The following GPR158 variants were observed in gnomAD, a reference collection of about 807,000 sequenced individuals.
The protein encoded by GPR158 is G protein-coupled receptor 158.
A neutral mutation model predicts 78.2 loss-of-function variants in GPR158; 30 were observed. The observed-to-expected ratio is 0.38, with a 90% CI of 0.29 to 0.52. The LOEUF (loss-of-function observed/expected upper bound fraction) is 0.52, where lower values mean the gene tolerates loss of function less well. GPR158 is among the 20% of genes least tolerant of loss of function. GPR158 has a pLI of 0.83. For synonymous variants in GPR158, 581 were observed against 591.1 expected, an observed-to-expected ratio of 0.98 and a Z score of 0.25; for missense variants, 1,463 against 1,523.5, an observed-to-expected ratio of 0.96 and a Z score of 0.66.
At chr10:25,321,137 A>G (rs1186530769) in intron 2 of GPR158, among the ~76,000 whole-genome samples, 2 of 152,220 alleles carry the variant, frequency 1.3e-5, no homozygotes, top group East Asian at 3.8e-4. Context: ...TTGCAAAATT[A>G]GAAAGTCATA....
At chr10:25,282,952 G>T (rs1251702302) in intron 2 of GPR158, among the ~76,000 whole-genome samples, 4 of 152,004 alleles carry the variant, frequency 2.6e-5, no homozygotes, top group African/African-American at 9.7e-5. Flanking sequence ...ATAATGAGAG[G>T]TATCAGTCTC....
intron 5 of GPR158, among the ~76,000 whole-genome samples, chr10:25,497,733 T>C (rs1014719907): frequency 6.6e-6 from 1 of 152,218 alleles, no homozygotes; most frequent in African/African-American, 2.4e-5. Context: ...TCTGCCTTCA[T>C]GGAGTTTAAG....
At chr10:25,364,275 A>G (rs1855686256) in intron 2 of GPR158, among the ~76,000 whole-genome samples, 1 of 151,928 alleles carries the variant, frequency 6.6e-6, no homozygotes, top group Non-Finnish European at 1.5e-5. Flanking sequence ...TGATTCATCC[A>G]AATCCTTGTT....
chr10:25,525,334 C>T (rs528079603), intron 5 of GPR158, among the ~76,000 whole-genome samples: 4 of 152,256 alleles, frequency 2.6e-5, no homozygotes, highest in African/African-American at 7.2e-5. Flanking sequence ...CATGAATCTT[C>T]GTAGCTACAT....
In GPR158 at chr10:25,394,233, G is replaced by A. The variant is rs115453067; in HGVS notation, c.1009-1678G>A. Among the ~76,000 whole-genome samples the A allele has an allele frequency of 5.3e-3, 814 of 152,200 alleles. 9 individuals carry two copies. The highest frequency in any genetic ancestry group is 0.019 in the African/African-American group (788 of 41,516). On this transcript the variant is annotated intron_variant, in intron 2 of 10. Coordinates refer to ENST00000376351, the MANE Select transcript of GPR158 (RefSeq NM_020752.3). ...GGTGGCACTACCTTTTTCAGACTAT[G>A]TCTGTGTCTGGTGGAATAGTTATTC...
chr10:25,189,033 A>C (rs1852731208), intron 1 of GPR158, among the ~76,000 whole-genome samples: 1 of 152,236 alleles, frequency 6.6e-6, no homozygotes, highest in African/African-American at 2.4e-5. Flanking sequence ...ACATGAAAAA[A>C]TGTTCATCAT....
At position 25,570,943 on chromosome 10, in the gene GPR158, T is replaced by C. The variant is rs146550571; in HGVS notation, c.1515-1706T>C. Among the ~76,000 whole-genome samples, 210 of 152,190 alleles carry C rather than the reference T, an allele frequency of 1.4e-3. 1 individual carries two copies. The highest frequency in any genetic ancestry group is 4.9e-3 in the African/African-American group (204 of 41,542). On this transcript the variant is annotated intron_variant, in intron 6 of 10. Transcript: ENST00000376351. ...TTAAAAAAAATAAAATAGAGTAGTC[T>C]CCTTTTGTTTCATAATCATGTATAA...
At chr10:25,287,037 T>C (rs1353503187) in intron 2 of GPR158, among the ~76,000 whole-genome samples, 3 of 152,102 alleles carry the variant, frequency 2.0e-5, no homozygotes, top group Admixed American at 6.5e-5. Context: ...ATTTTTATTA[T>C]AGTTCTAATT....
chr10:25,328,927 CAA>C (rs3054026), intron 2 of GPR158, among the ~76,000 whole-genome samples: 3 of 89,074 alleles, frequency 3.4e-5, no homozygotes, highest in African/African-American at 1.7e-4. Context: ...AACTTCATCA[CAA>C]AAAAAAAAAA....
chr10:25,283,865 C>T (rs1854310497), intron 2 of GPR158, among the ~76,000 whole-genome samples: 1 of 151,764 alleles, frequency 6.6e-6, no homozygotes. Flanking sequence ...CCACTTAGTT[C>T]ATTTATAGTC....
intron 4 of GPR158, among the ~76,000 whole-genome samples, chr10:25,452,679 T>TA (rs537942871): frequency 5.3e-5 from 8 of 152,352 alleles, no homozygotes; most frequent in African/African-American, 1.9e-4. Flanking sequence ...TGGATGGACT[T>TA]ACTATTTTAA....
chr10:25,181,322 A>G (rs533469453), intron 1 of GPR158, among the ~76,000 whole-genome samples: 1 of 152,336 alleles, frequency 6.6e-6, no homozygotes, highest in East Asian at 1.9e-4. Context: ...AACTAAATGA[A>G]GAACTGTCAT....
intron 2 of GPR158, among the ~76,000 whole-genome samples, chr10:25,359,646 T>C (rs746886672): frequency 5.3e-5 from 8 of 152,222 alleles, no homozygotes; most frequent in Non-Finnish European, 1.0e-4. Flanking sequence ...GTTTTCTTTA[T>C]CCAGTCTATC....
chr10:25,576,280 T>C (rs114386250), intron 7 of GPR158, among the ~76,000 whole-genome samples: 306 of 152,290 alleles, frequency 2.0e-3, no homozygotes, highest in African/African-American at 6.9e-3. Flanking sequence ...CTCCCACTTA[T>C]AAATGACGAT....
intron 2 of GPR158, among the ~76,000 whole-genome samples, chr10:25,364,232 T>C (rs1855685206): frequency 6.6e-6 from 1 of 151,936 alleles, no homozygotes; most frequent in Non-Finnish European, 1.5e-5. Context: ...GTCCATGTTC[T>C]TAACCACAAA....
At chr10:25,259,559 C>T (rs1239631988) in intron 2 of GPR158, among the ~76,000 whole-genome samples, 1 of 152,034 alleles carries the variant, frequency 6.6e-6, no homozygotes, top group Non-Finnish European at 1.5e-5. Context: ...TGTGATTCTT[C>T]CTTAGATGTG....
chr10:25,480,268 T>C (rs1229686928), intron 5 of GPR158, among the ~76,000 whole-genome samples: 1 of 152,136 alleles, frequency 6.6e-6, no homozygotes, highest in East Asian at 1.9e-4. Context: ...AAACAAAGAG[T>C]CTGCCATGGT....
intron 2 of GPR158, among the ~76,000 whole-genome samples, chr10:25,302,836 G>A (rs7093692): frequency 0.2 from 30,774 of 152,076 alleles, 5,257 homozygotes; most frequent in African/African-American, 0.47. Context: ...TGGTTATTGA[G>A]CAAGGAATCT....
Position 25,393,381 on chromosome 10 carries a change from G to GACTTAGTT in GPR158, c.1009-2529_1009-2522dup, listed in dbSNP as rs568342226. Among the ~76,000 whole-genome samples the GACTTAGTT allele has an allele frequency of 1.1e-4, 16 of 152,268 alleles. No individual in the cohort carries two copies. The East Asian group carries it at 2.9e-3, about 28-fold the overall frequency. ...ATTCTAATGTAGTCTTAGTATCTAA[G>GACTTAGTT]ACTTAGTTTACCTGGTTTACCTTAG... On this transcript the variant is annotated intron_variant, in intron 2 of 10. Transcript: ENST00000376351.
Sources: gnomAD v4.1 joint callset for allele counts (sites outside exome capture counted in the v4.1 genomes callset) on GRCh38, gnomAD v4.1.1 for gene constraint, MANE v1.5 for transcripts, NCBI Gene and HGNC (gene_info 2026-07-23, HGNC 2026-07-21) for gene names.